The following PPP1R13B variants were observed in gnomAD, a reference collection of about 807,000 sequenced individuals.
PPP1R13B encodes protein phosphatase 1 regulatory subunit 13B.
Under a neutral mutation model 119.8 loss-of-function variants are expected in PPP1R13B, and 44 were observed. The observed-to-expected ratio is 0.37, with a 90% CI of 0.29 to 0.47. The LOEUF is 0.47. Ranked by LOEUF, PPP1R13B falls within the 20% of genes least tolerant of loss-of-function variation. The pLI, the probability that PPP1R13B is intolerant of heterozygous loss-of-function variation, is 0.99. For synonymous variants in PPP1R13B, 542 were observed against 561.5 expected (o/e 0.97, Z 0.49); for missense variants, 1,227 against 1,413.5 (o/e 0.87, Z 2.12).
At chr14:103,751,753 C>A (rs989732520) in intron 7 of PPP1R13B, among the ~76,000 whole-genome samples, 19 of 152,170 alleles carry the variant, frequency 1.2e-4, no homozygotes, top group Non-Finnish European at 2.4e-4. Flanking sequence ...TCACTGGAAA[C>A]TGAATTTGCT....
At chr14:103,748,358 T>C (rs536491093) in intron 8 of PPP1R13B, among the ~76,000 whole-genome samples, 9 of 152,216 alleles carry the variant, frequency 5.9e-5, no homozygotes, top group Non-Finnish European at 1.3e-4. Context: ...AATGAGAGAC[T>C]GTGACATCCA....
rs2087055958 is a variant in PPP1R13B at position 103,846,982 on chromosome 14, C to A, written c.9+317G>T. The stretch of plus-strand genomic sequence containing the variant: ...GTCACAGCTGCGCCACCCACCAGAC[C>A]TGTGCCCCAGCGTCCGACCGCGCAC... On this transcript the variant is annotated intron_variant, in intron 1 of 16. Coordinates refer to ENST00000202556, the MANE Select transcript of PPP1R13B (RefSeq NM_015316.3). 8.4e-6 allele frequency: 10 copies of A among 1,190,780 alleles called. No homozygotes were observed. In the South Asian group the frequency reaches 9.3e-5, roughly 11 times the overall value. 73.8% of individuals were successfully genotyped at this position (1,190,780 alleles called of 1,614,324 possible).
chr14:103,746,102 G>A (rs1046013475), intron 9 of PPP1R13B, among the ~76,000 whole-genome samples: 2 of 152,192 alleles, frequency 1.3e-5, no homozygotes, highest in Admixed American at 6.5e-5. Flanking sequence ...CACTGCACCC[G>A]GCCCATGGAT....
chr14:103,792,188 GTGTGTGTGTGTGTA>G (rs918392699), intron 2 of PPP1R13B, among the ~76,000 whole-genome samples: 26 of 136,978 alleles, frequency 1.9e-4, no homozygotes, highest in Non-Finnish European at 3.6e-4. Context: ...GTGTGTGTGT[GTGTGTGTGTGTGTA>G]TATTTTTTTA....
intron 4 of PPP1R13B, among the ~76,000 whole-genome samples, chr14:103,770,555 A>G (rs1300878154): frequency 6.6e-6 from 1 of 152,072 alleles, no homozygotes; most frequent in Non-Finnish European, 1.5e-5. Flanking sequence ...AATTCAATAC[A>G]CATTTATACC....
At chr14:103,766,298 G>A (rs1039151961) in intron 4 of PPP1R13B, among the ~76,000 whole-genome samples, 8 of 152,016 alleles carry the variant, frequency 5.3e-5, no homozygotes, top group Non-Finnish European at 1.0e-4. Flanking sequence ...GTCATCCACC[G>A]TGCCTGGCCC....
chr14:103,830,688 T>C lies in PPP1R13B; in HGVS notation c.9+16611A>G, dbSNP rs77888992. Among the ~76,000 whole-genome samples, 1,208 of 152,304 alleles carry C rather than the reference T, an allele frequency of 7.9e-3. 10 individuals carry two copies. The highest frequency in any genetic ancestry group is 0.013 in the Non-Finnish European group (876 of 68,034). On this transcript the variant is annotated intron_variant, in intron 1 of 16. Transcript: ENST00000202556. ...CCAGCCATCTATAATCCTTAAGGAA[T>C]TAATTCTTATGAATGGCAGCATTCT...
intron 1 of PPP1R13B, among the ~76,000 whole-genome samples, chr14:103,803,644 A>AAAAT (rs992152306): frequency 2.1e-4 from 32 of 152,206 alleles, no homozygotes; most frequent in South Asian, 1.0e-3. Flanking sequence ...CTCCGTCTCA[A>AAAAT]AAATAAATAA....
chr14:103,805,298 C>T (rs1049005775), intron 1 of PPP1R13B, among the ~76,000 whole-genome samples: 3 of 151,996 alleles, frequency 2.0e-5, no homozygotes, highest in East Asian at 3.9e-4. Context: ...AGGCCAGGAA[C>T]GGTGGCTCAT....
rs923770753 is a variant in PPP1R13B at position 103,757,650 on chromosome 14, C to A, written c.456G>T (p.Lys152Asn). The A allele has an allele frequency of 9.3e-6, 15 of 1,613,220 alleles. No homozygotes were observed. In the South Asian group the frequency reaches 1.5e-4, roughly 17 times the overall value. The change falls in exon 5 of 17, where the codon AAG (lysine) becomes AAT (asparagine). Residue 152 changes from lysine to asparagine, a missense_variant and splice_region_variant. Lys to Asn is a moderately conservative substitution (Grantham distance 94). Coordinates refer to ENST00000202556, the MANE Select transcript of PPP1R13B (RefSeq NM_015316.3). ...TTCAATACCTCTTTTTATAACTTAC[C>A]TTGGCAACCAACATCTGCTGCTGAT... ...IENQQQMLVAKEQRLHFLKQQ... is the reference protein window; with the variant it reads ...IENQQQMLVANEQRLHFLKQQ...
chr14:103,848,391 G>C, upstream of PPP1R13B: 2 of 985,450 alleles, frequency 2.0e-6, no homozygotes, highest in Non-Finnish European at 2.4e-6. Context: ...CCTCGGGCCT[G>C]AGCGCCGGAG....
chr14:103,749,742 G>A (rs1307440190), intron 8 of PPP1R13B, 52 bp downstream of exon 8: 2 of 1,573,682 alleles, frequency 1.3e-6, no homozygotes, highest in East Asian at 4.5e-5. Flanking sequence ...GATGGGCAAT[G>A]CTTGGATAAA....
In PPP1R13B at chr14:103,740,230, C is replaced by T. The variant is rs2084220093; in HGVS notation, c.2186G>A (p.Arg729His). 1.2e-6 allele frequency: 2 copies of T among 1,612,448 alleles called. No homozygotes were observed. Among genetic ancestry groups the T allele is most frequent in the Non-Finnish European group, 1.7e-6 (2 of 1,179,102 alleles). Residue 729 changes from arginine (R) to histidine (H), a missense_variant, in exon 12 of 17, where the codon CGC becomes CAC. By Grantham distance (29) the Arg-to-His change is conservative. Transcript: ENST00000202556. This position sits in a 1 kb window ranked among gnomAD's most constrained non-coding sequence, Gnocchi z 4.6. The part of the protein sequence containing the change: ...GPNIQKLLYQ[R>H]FNTLAGGMEG... The stretch of plus-strand genomic sequence containing the variant: ...CATGCCACCGGCCAGGGTGTTGAAG[C>T]GCTGGTACAGCAGCTTCTGGATGTT...
At chr14:103,780,506 AAAAAAAAAG>A in intron 3 of PPP1R13B, among the ~76,000 whole-genome samples, 1 of 149,446 alleles carries the variant, frequency 6.7e-6, no homozygotes, top group African/African-American at 2.5e-5. Flanking sequence ...AAAAAAAAAA[AAAAAAAAAG>A]ACATTCACTG....
intron 4 of PPP1R13B, among the ~76,000 whole-genome samples, chr14:103,766,827 G>C (rs1020094875): frequency 2.0e-5 from 3 of 152,062 alleles, no homozygotes; most frequent in Admixed American, 6.6e-5. Context: ...GGATGGTCTC[G>C]ATCTCTTGAC....
chr14:103,758,952 AAC>A (rs1410037166), intron 4 of PPP1R13B, among the ~76,000 whole-genome samples: 43 of 147,590 alleles, frequency 2.9e-4, no homozygotes, highest in Admixed American at 2.9e-3. Context: ...ATCAGGATTT[AAC>A]AGTCTTTTTT....
At chr14:103,772,929 A>G (rs1351802236) in intron 4 of PPP1R13B, among the ~76,000 whole-genome samples, 1 of 152,082 alleles carries the variant, frequency 6.6e-6, no homozygotes, top group African/African-American at 2.4e-5. Flanking sequence ...AGCCTCCCAA[A>G]GTGCTGGGAT....
At chr14:103,744,402 C>T (rs1484052018) in intron 9 of PPP1R13B, among the ~76,000 whole-genome samples, 4 of 152,202 alleles carry the variant, frequency 2.6e-5, no homozygotes, top group African/African-American at 9.7e-5. Flanking sequence ...CTTGGTGTCA[C>T]ACTCTTTCTA....
At chr14:103,815,858 C>A (rs1442375030) in intron 1 of PPP1R13B, among the ~76,000 whole-genome samples, 1 of 151,970 alleles carries the variant, frequency 6.6e-6, no homozygotes, top group Admixed American at 6.6e-5. Context: ...CCGAGGCGGG[C>A]AGATCACAAG....
Sources: allele counts gnomAD v4.1 joint callset (sites outside exome capture counted in the v4.1 genomes callset), GRCh38; gene constraint gnomAD v4.1.1; non-coding constraint Gnocchi (gnomAD v3.1); transcripts MANE v1.5; gene names NCBI Gene and HGNC (gene_info 2026-07-23, HGNC 2026-07-21).